The following PTPRJ variants were observed in gnomAD, a reference collection of about 807,000 sequenced individuals.
PTPRJ encodes receptor-type tyrosine-protein phosphatase eta.
In PTPRJ, 129 loss-of-function variants were observed where a neutral mutation model predicts 141.3. The observed-to-expected ratio is 0.91, with a 90% CI of 0.79 to 1.06. The LOEUF is 1.06. Among genes scored for constraint, PTPRJ ranks in the 50% least tolerant of loss-of-function variants. The pLI is 0.00. For missense variants in PTPRJ, 1,601 were observed against 1,679.7 expected (o/e 0.95, Z 0.82); for synonymous variants, 610 against 640.5 (o/e 0.95, Z 0.72).
In PTPRJ at chr11:48,030,624, T is replaced by C. The variant is rs144683940; in HGVS notation, c.96+49616T>C. Among the ~76,000 whole-genome samples, 428 of 152,264 alleles carry C rather than the reference T, an allele frequency of 2.8e-3. 1 individual carries two copies. Among genetic ancestry groups the C allele is most frequent in the African/African-American group, 9.7e-3 (401 of 41,548 alleles). The stretch of plus-strand genomic sequence containing the variant: ...CGGGCATGGTGGTGTGTGCCTGTAA[T>C]CCCAGCTACTAGGGGAGCTGAGGCA... On this transcript the variant is annotated intron_variant, in intron 1 of 24. Coordinates refer to ENST00000418331, the MANE Select transcript of PTPRJ (RefSeq NM_002843.4).
At chr11:48,017,409 G>A (rs567581448) in intron 1 of PTPRJ, among the ~76,000 whole-genome samples, 13 of 152,290 alleles carry the variant, frequency 8.5e-5, no homozygotes, top group Middle Eastern at 3.4e-3. Context: ...GTAAGATGAT[G>A]ATATAATAAT....
At chr11:48,091,287 A>G (rs1175039026) in intron 1 of PTPRJ, among the ~76,000 whole-genome samples, 1 of 152,138 alleles carries the variant, frequency 6.6e-6, no homozygotes, top group Non-Finnish European at 1.5e-5. Flanking sequence ...CAGGAATGTC[A>G]TTAGGATTAC....
intron 1 of PTPRJ, among the ~76,000 whole-genome samples, chr11:48,045,304 A>G (rs1854363629): frequency 6.6e-6 from 1 of 152,094 alleles, no homozygotes; most frequent in Admixed American, 6.5e-5. Context: ...GTTGGGCTTG[A>G]ATCTCCTCCT....
At chr11:48,123,906 G>C (rs2134342776) in intron 5 of PTPRJ, 36 bp downstream of exon 5, 2 of 1,576,192 alleles carry the variant, frequency 1.3e-6, no homozygotes, top group Middle Eastern at 1.8e-4. Context: ...CTCCCTTACT[G>C]GTTCTTACTT....
At chr11:48,152,826 G>C (rs1304847225) in intron 18 of PTPRJ, among the ~76,000 whole-genome samples, 1 of 152,306 alleles carries the variant, frequency 6.6e-6, no homozygotes, top group South Asian at 2.1e-4. Context: ...TTTGGTTACT[G>C]TAGCCTTGTA....
At chr11:48,115,340 C>T (rs1856538026) in intron 3 of PTPRJ, among the ~76,000 whole-genome samples, 1 of 152,146 alleles carries the variant, frequency 6.6e-6, no homozygotes, top group Non-Finnish European at 1.5e-5. Context: ...AGCTCCACTT[C>T]AGCTAGCAGC....
intron 5 of PTPRJ, 69 bp from the exon 6 acceptor site, chr11:48,124,898 GC>G: frequency 2.0e-6 from 3 of 1,470,718 alleles, no homozygotes; most frequent in Non-Finnish European, 2.8e-6. Context: ...TGGGGTTGGG[GC>G]TCCGAAGGAA....
intron 1 of PTPRJ, among the ~76,000 whole-genome samples, chr11:48,044,135 G>A (rs935209885): frequency 6.6e-6 from 1 of 152,258 alleles, no homozygotes; most frequent in Non-Finnish European, 1.5e-5. Context: ...GATGCTCAGG[G>A]CTGTGGGGGC....
Position 48,158,386 on chromosome 11 carries a change from C to T in PTPRJ, c.3439-1544C>T, listed in dbSNP as rs913327288. On this transcript the variant is annotated intron_variant, in intron 21 of 24. Transcript: ENST00000418331. The surrounding 1 kb of genome is among the most constrained non-coding windows in gnomAD (Gnocchi z 4.4). ...AATGGGGAAGGGAGTGTATTTTCTG[C>T]ACTAGATTCTCCATATATGTTATTT... Among the ~76,000 whole-genome samples, 2 of 151,894 alleles carry T rather than the reference C, an allele frequency of 1.3e-5. No individual in the cohort carries two copies. Among genetic ancestry groups the T allele is most frequent in the African/African-American group, 4.8e-5 (2 of 41,404 alleles).
At position 48,124,999 on chromosome 11, in the gene PTPRJ, G is replaced by A. The variant is rs763639435; in HGVS notation, c.906G>A (p.Gly302=). 2 of 1,614,054 alleles carry A rather than the reference G, an allele frequency of 1.2e-6. No homozygotes were observed. The highest frequency in any genetic ancestry group is 1.7e-6 in the Non-Finnish European group (2 of 1,179,990). The change falls in exon 6 of 25, where the codon GGG becomes GGA. Residue 302 remains glycine (G), a synonymous_variant. Transcript: ENST00000418331. ...DASNTERSRA[G]SPTAPVHDES... The stretch of plus-strand genomic sequence containing the variant: ...GCAATACAGAGAGAAGCCGGGCAGG[G>A]AGCCCCACCGCCCCTGTGCATGATG...
chr11:47,994,672 T>A lies in PTPRJ; in HGVS notation c.96+13664T>A, dbSNP rs111586127. Among the ~76,000 whole-genome samples, 1,270 of 151,760 alleles carry A rather than the reference T, an allele frequency of 8.4e-3. 7 individuals carry two copies. Among genetic ancestry groups the A allele is most frequent in the Non-Finnish European group, 0.011 (735 of 67,926 alleles). ...AGGGTGAGATTCTGTCTCAAAAAAA[T>A]AAATAAATAAATAAATAAAATAAAA... On this transcript the variant is annotated intron_variant, in intron 1 of 24. Transcript: ENST00000418331.
At chr11:48,020,571 C>G (rs369553006) in intron 1 of PTPRJ, among the ~76,000 whole-genome samples, 4 of 151,902 alleles carry the variant, frequency 2.6e-5, no homozygotes, top group African/African-American at 9.7e-5. Context: ...CAGTGCAGTC[C>G]GGGGGCAGAG....
chr11:48,075,462 A>G (rs191324716), intron 1 of PTPRJ, among the ~76,000 whole-genome samples: 126 of 151,774 alleles, frequency 8.3e-4, no homozygotes, highest in African/African-American at 2.9e-3. Context: ...TCACTCTATC[A>G]CCCAGGCTGG....
intron 8 of PTPRJ, among the ~76,000 whole-genome samples, chr11:48,135,695 T>A (rs1054276706): frequency 1.7e-4 from 26 of 152,276 alleles, no homozygotes; most frequent in Non-Finnish European, 3.4e-4. Context: ...TTGGCCAGGC[T>A]AGTCTCGAAC....
rs1050197192 is a variant in PTPRJ, at chr11:48,123,704, C to T, written c.708C>T (p.Cys236=). ...GCAATGGCAATGGCACTGCCTCCTGCCGGGTTCTTCTTGAAAGCATTGGAA... is the reference window on the plus strand; with the variant it reads ...GCAATGGCAATGGCACTGCCTCCTGTCGGGTTCTTCTTGAAAGCATTGGAA... ...SWSNGNGTAS[C]RVLLESIGSH... The change falls in exon 5 of 25, where the codon TGC becomes TGT. Residue 236 remains cysteine, a synonymous_variant. Coordinates refer to ENST00000418331, the MANE Select transcript of PTPRJ (RefSeq NM_002843.4). 3 of 1,614,050 alleles carry T rather than the reference C, an allele frequency of 1.9e-6. No individual in the cohort carries two copies. The highest frequency in any genetic ancestry group is 2.7e-5 in the African/African-American group (2 of 74,918).
At chr11:48,022,556 C>A (rs1220726950) in intron 1 of PTPRJ, among the ~76,000 whole-genome samples, 1 of 151,964 alleles carries the variant, frequency 6.6e-6, no homozygotes, top group Non-Finnish European at 1.5e-5. Flanking sequence ...TGGCTTCTGG[C>A]CTGTTTCTAA....
At chr11:48,097,920 C>T (rs1856055416) in intron 1 of PTPRJ, among the ~76,000 whole-genome samples, 1 of 152,086 alleles carries the variant, frequency 6.6e-6, no homozygotes, top group Non-Finnish European at 1.5e-5. Flanking sequence ...TTCACTCCGT[C>T]CCTAGAGAGC....
At chr11:48,129,461 A>G (rs1224886710) in intron 7 of PTPRJ, among the ~76,000 whole-genome samples, 1 of 151,866 alleles carries the variant, frequency 6.6e-6, no homozygotes, top group Non-Finnish European at 1.5e-5. Context: ...TACCTTCATG[A>G]CCTCACATTA....
intron 4 of PTPRJ, among the ~76,000 whole-genome samples, chr11:48,122,835 C>T (rs1273258640): frequency 6.6e-6 from 1 of 152,116 alleles, no homozygotes. Context: ...ACCTTCAGGC[C>T]CCTGCAGCCC....
Sources: allele counts gnomAD v4.1 joint callset (sites outside exome capture counted in the v4.1 genomes callset), GRCh38; gene constraint gnomAD v4.1.1; non-coding constraint Gnocchi (gnomAD v3.1); transcripts MANE v1.5; gene names NCBI Gene and HGNC (gene_info 2026-07-23, HGNC 2026-07-21).